Variants in ANKRD36B observed in about 807,000 individuals in gnomAD.
ANKRD36B encodes the protein ankyrin repeat domain-containing protein 36B.
A neutral mutation model predicts 135.7 loss-of-function variants in ANKRD36B; 37 were observed. The observed-to-expected ratio is 0.27, with a 90% CI of 0.21 to 0.36. The LOEUF is 0.36. Among genes scored for constraint, ANKRD36B ranks in the 10% least tolerant of loss-of-function variants. The probability of loss-of-function intolerance (pLI) is 1.00; values close to 1 mark genes in which losing one functional copy is unlikely to be tolerated. For missense variants in ANKRD36B, 549 were observed against 1,037.1 expected (o/e 0.53, Z 6.46); for synonymous variants, 179 against 348.1 (o/e 0.51, Z 5.41).
rs373304719 is a variant in ANKRD36B at position 97,496,833 on chromosome 2, G to GTGTATATATATATATA, written c.*7-3979_*7-3978insTATATATATATATACA. Among the ~76,000 whole-genome samples the GTGTATATATATATATA allele has an allele frequency of 1.6e-4, 10 of 62,090 alleles. 1 individual carries two copies. Among genetic ancestry groups the GTGTATATATATATATA allele is most frequent in the African/African-American group, 8.8e-4 (10 of 11,404 alleles). 40.7% of individuals were successfully genotyped at this position (62,090 alleles called of 152,430 possible). Reference sequence around the variant, plus strand: ...TGTGTGTGTATGTATATATGTGTGTGTATATATATATATATATATATATAT... The same window carrying GTGTATATATATATATA: ...TGTGTGTGTATGTATATATGTGTGTGTGTATATATATATATATATATATATATATATATATATATAT... On this transcript the variant is annotated intron_variant, in intron 43 of 43. Transcript: ENST00000359901.
At chr2:97,545,999 G>A in intron 22 of ANKRD36B, 138 bp from the exon 23 acceptor site, 1 of 863,926 alleles carries the variant, frequency 1.2e-6, no homozygotes, top group South Asian at 1.3e-5. Context: ...TTTGTGTCTG[G>A]GGACAAGAAC....
chr2:97,535,281 A>C (rs192520988), intron 34 of ANKRD36B, among the ~76,000 whole-genome samples: 15,184 of 94,810 alleles, frequency 0.16, 1,748 homozygotes, highest in Middle Eastern at 0.24. Flanking sequence ...CTACAGTCAG[A>C]AATAACTTGT....
chr2:97,569,941 A>G (rs1294895751), intron 6 of ANKRD36B, among the ~76,000 whole-genome samples: 2 of 152,170 alleles, frequency 1.3e-5, no homozygotes, highest in East Asian at 3.8e-4. Context: ...TTTTAATTTC[A>G]TAATTATAAA....
At chr2:97,586,193 A>G (rs2082977395) in intron 1 of ANKRD36B, among the ~76,000 whole-genome samples, 1 of 152,192 alleles carries the variant, frequency 6.6e-6, no homozygotes, top group South Asian at 2.1e-4. Flanking sequence ...AAACAAAGTA[A>G]TTCTTACTTC....
intron 6 of ANKRD36B, among the ~76,000 whole-genome samples, chr2:97,572,228 G>A (rs2081927237): frequency 6.6e-6 from 1 of 151,170 alleles, no homozygotes; most frequent in East Asian, 1.9e-4. Flanking sequence ...GCTGCAGTGA[G>A]CTATGATCAC....
rs2078163716 is a variant in ANKRD36B at position 97,525,714 on chromosome 2, T to C, written c.2266-2247A>G. Among the ~76,000 whole-genome samples, 2 of 97,524 alleles carry C rather than the reference T, an allele frequency of 2.1e-5. 1 individual carries two copies. The highest frequency in any genetic ancestry group is 5.5e-5 in the Non-Finnish European group (2 of 36,508). The allele number at this position is 97,524 out of a possible 152,430, so 64.0% of individuals were successfully genotyped here. A position where few individuals can be genotyped will look rare whatever the true frequency, so the allele number is the denominator to read the frequency against. On this transcript the variant is annotated intron_variant, in intron 35 of 43. Transcript: ENST00000359901. ...TACTCCCACCCTAATACTGCACTTT[T>C]CCAATGGGCTTAAAAAATGGCGCAC...
chr2:97,523,564 C>T, intron 35 of ANKRD36B, 97 bp from the exon 36 acceptor site: 1 of 818,648 alleles, frequency 1.2e-6, no homozygotes, highest in Admixed American at 2.7e-5. Flanking sequence ...TTTCTATGAG[C>T]ACAAACACAG....
At chr2:97,557,195 C>T in intron 10 of ANKRD36B, 63 bp from the exon 11 acceptor site, 1 of 1,494,364 alleles carries the variant, frequency 6.7e-7, no homozygotes, top group Non-Finnish European at 9.0e-7. Context: ...TCCATACATT[C>T]ATGCAGTGTT....
chr2:97,560,797 T>G, intron 7 of ANKRD36B, 35 bp downstream of exon 7: 1 of 1,585,334 alleles, frequency 6.3e-7, no homozygotes, highest in African/African-American at 1.4e-5. Flanking sequence ...GACTATACAG[T>G]TAATAGTTCA....
chr2:97,572,199 C>T (rs1398887731), intron 6 of ANKRD36B, among the ~76,000 whole-genome samples: 3 of 151,640 alleles, frequency 2.0e-5, no homozygotes, highest in Non-Finnish European at 4.4e-5. Context: ...GGAGGACCAC[C>T]TGAACCCAGA....
At chr2:97,564,294 C>T (rs1352573701) in intron 6 of ANKRD36B, among the ~76,000 whole-genome samples, 1 of 152,084 alleles carries the variant, frequency 6.6e-6, no homozygotes, top group Non-Finnish European at 1.5e-5. Context: ...GTCAGGATAG[C>T]ATGACTACTT....
intron 6 of ANKRD36B, among the ~76,000 whole-genome samples, chr2:97,574,064 T>C (rs1335290442): frequency 6.6e-6 from 1 of 152,186 alleles, no homozygotes. Context: ...AAAGAGCTTC[T>C]GCACAGCAAA....
chr2:97,532,149 A>G lies in ANKRD36B; in HGVS notation c.2265+162T>C, dbSNP rs188842496. Among the ~76,000 whole-genome samples the G allele has an allele frequency of 3.1e-5, 3 of 97,784 alleles. 1 individual carries two copies. Among genetic ancestry groups the G allele is most frequent in the African/African-American group, 9.2e-5 (3 of 32,714 alleles). 64.2% of individuals were successfully genotyped at this position (97,784 alleles called of 152,430 possible). On this transcript the variant is annotated intron_variant, in intron 35 of 43. Transcript: ENST00000359901. ...ACAAGTTGCTATAGATTCCAACACT[A>G]TTTTAAGTTTTATAACTAAATGTTT...
At chr2:97,548,384 G>C (rs1012930972) in intron 20 of ANKRD36B, among the ~76,000 whole-genome samples, 1 of 144,210 alleles carries the variant, frequency 6.9e-6, no homozygotes, top group African/African-American at 2.5e-5. Context: ...TCTTCATCCA[G>C]TCGTGGCACC....
rs1296126012 is a variant in ANKRD36B, at chr2:97,555,118, C to G, written c.1113G>C (p.Lys371Asn). 7.4e-6 allele frequency: 12 copies of G among 1,611,798 alleles called. No individual in the cohort carries two copies. The highest frequency in any genetic ancestry group is 1.0e-5 in the Non-Finnish European group (12 of 1,178,696). Residue 371 changes from lysine (K) to asparagine (N), a missense_variant, in exon 14 of 44, where the codon AAG becomes AAC. Lys to Asn is a moderately conservative substitution (Grantham distance 94). Transcript: ENST00000359901. Reference sequence around the variant, plus strand: ...TAGCTGTATTCAAAGCAGAATCTGTCTTGTCACTTGCAGTCTGAAAGTAAT... The same window carrying G: ...TAGCTGTATTCAAAGCAGAATCTGTGTTGTCACTTGCAGTCTGAAAGTAAT... ...KQPASKTASD[K>N]TDSALNTATE...
chr2:97,555,108 C>A lies in ANKRD36B; in HGVS notation c.1123G>T (p.Ala375Ser), dbSNP rs1395007299. The change falls in exon 14 of 44, where the codon GCT becomes TCT. Residue 375 changes from alanine (A) to serine (S), a missense_variant. Transcript: ENST00000359901. Reference sequence around the variant, plus strand: ...TTTATTTCTGTAGCTGTATTCAAAGCAGAATCTGTCTTGTCACTTGCAGTC... The same window carrying A: ...TTTATTTCTGTAGCTGTATTCAAAGAAGAATCTGTCTTGTCACTTGCAGTC... ...SKTASDKTDS[A>S]LNTATEIKDG... The A allele has an allele frequency of 6.2e-6, 10 of 1,611,936 alleles. No individual in the cohort carries two copies. Among genetic ancestry groups the A allele is most frequent in the Non-Finnish European group, 7.6e-6 (9 of 1,178,696 alleles).
chr2:97,556,397 T>C (rs1400918044), intron 12 of ANKRD36B, among the ~76,000 whole-genome samples: 1 of 151,694 alleles, frequency 6.6e-6, no homozygotes, highest in Admixed American at 6.6e-5. Flanking sequence ...CTGAGGTGAG[T>C]TCACTCAGGT....
intron 11 of ANKRD36B, 25 bp from the exon 12 acceptor site, chr2:97,557,034 G>A: frequency 1.3e-6 from 2 of 1,548,810 alleles, no homozygotes; most frequent in Non-Finnish European, 1.7e-6. Context: ...AAACAAAATA[G>A]TCAATACATA....
intron 22 of ANKRD36B, among the ~76,000 whole-genome samples, chr2:97,546,922 T>A (rs1275408555): frequency 6.6e-6 from 1 of 151,724 alleles, no homozygotes; most frequent in Non-Finnish European, 1.5e-5. Flanking sequence ...ATTACACCAT[T>A]GTTTCCTGCT....
Sources: allele counts gnomAD v4.1 joint callset (sites outside exome capture counted in the v4.1 genomes callset), GRCh38; gene constraint gnomAD v4.1.1; transcripts MANE v1.5; gene names NCBI Gene and HGNC (gene_info 2026-07-23, HGNC 2026-07-21).